DLG2: variants seen among roughly 807,000 people sequenced by gnomAD.
DLG2 encodes the protein disks large homolog 2.
In DLG2, 45 loss-of-function variants were observed where a neutral mutation model predicts 132.5. That is an observed-to-expected ratio of 0.34 (90% CI 0.27 to 0.44). DLG2 has a LOEUF of 0.44. DLG2 is among the 20% of genes least tolerant of loss of function. DLG2 has a pLI of 1.00. For missense variants in DLG2, 1,045 were observed against 1,196.9 expected, an observed-to-expected ratio of 0.87 and a Z score of 1.87; for synonymous variants, 424 against 419.6, an observed-to-expected ratio of 1.01 and a Z score of -0.13.
At chr11:85,050,927 G>A (rs143098535) in intron 6 of DLG2, among the ~76,000 whole-genome samples, 16 of 151,856 alleles carry the variant, frequency 1.1e-4, no homozygotes, top group South Asian at 4.2e-4. Flanking sequence ...TCCCTTTTTC[G>A]TCTAGCTGGG....
chr11:84,377,606 A>G (rs538628503), intron 7 of DLG2, among the ~76,000 whole-genome samples: 2 of 152,200 alleles, frequency 1.3e-5, no homozygotes, highest in South Asian at 4.1e-4. Context: ...AAAAAGAAAG[A>G]AGAAGAACAA....
intron 4 of DLG2, among the ~76,000 whole-genome samples, chr11:85,246,030 C>CCTTAACT (rs1218181816): frequency 1.3e-5 from 2 of 151,998 alleles, no homozygotes; most frequent in East Asian, 3.9e-4. Flanking sequence ...TCCTGATCAC[C>CCTTAACT]CTTAACTCCA....
chr11:84,487,202 A>T (rs557112529), intron 7 of DLG2, among the ~76,000 whole-genome samples: 45 of 152,290 alleles, frequency 3.0e-4, no homozygotes, highest in African/African-American at 1.1e-3. Flanking sequence ...TCTGAAAGTT[A>T]TAATTTGTTT....
chr11:84,181,242 C>T (rs2096118740), intron 8 of DLG2, among the ~76,000 whole-genome samples: 1 of 151,806 alleles, frequency 6.6e-6, no homozygotes, highest in African/African-American at 2.4e-5. Context: ...TTATAAGACA[C>T]TTGTACTATT....
intron 6 of DLG2, among the ~76,000 whole-genome samples, chr11:85,038,123 T>C (rs2154147836): frequency 6.6e-6 from 1 of 152,236 alleles, no homozygotes; most frequent in East Asian, 1.9e-4. Context: ...ACATGAATGG[T>C]TCATGGGGTA....
At chr11:85,163,082 C>T (rs1253632434) in intron 4 of DLG2, among the ~76,000 whole-genome samples, 2 of 152,140 alleles carry the variant, frequency 1.3e-5, no homozygotes, top group Non-Finnish European at 2.9e-5. Flanking sequence ...AAGCTTCCTA[C>T]CCTCAGACAT....
chr11:83,890,769 G>C (rs2069560791), intron 15 of DLG2, among the ~76,000 whole-genome samples: 1 of 152,122 alleles, frequency 6.6e-6, no homozygotes, highest in Non-Finnish European at 1.5e-5. Context: ...AGAGTGACGT[G>C]GGTATAGGTG....
At position 85,077,516 on chromosome 11, in the gene DLG2, G is replaced by GA. The variant is rs368034879; in HGVS notation, c.357+34144dup. ...TCTTCCAACTTATTTGCTGGAACTT[G>GA]AAAAAAACAGATATAAAGTTAAAAG... On this transcript the variant is annotated intron_variant, in intron 6 of 27. Transcript: ENST00000376104. Among the ~76,000 whole-genome samples the GA allele has an allele frequency of 9.3e-4, 141 of 151,786 alleles. 2 individuals carry two copies. In the Middle Eastern group the frequency reaches 0.014, roughly 15 times the overall value.
chr11:84,768,274 T>C (rs569058437), intron 6 of DLG2, among the ~76,000 whole-genome samples: 74 of 152,304 alleles, frequency 4.9e-4, no homozygotes, highest in African/African-American at 1.7e-3. Context: ...TTCTATAGCT[T>C]ATGACTTGTT....
chr11:85,288,622 G>A (rs1314103169), intron 3 of DLG2, among the ~76,000 whole-genome samples: 1 of 151,802 alleles, frequency 6.6e-6, no homozygotes, highest in East Asian at 1.9e-4. Context: ...TCATGCCACT[G>A]CACTCCAGTC....
intron 16 of DLG2, among the ~76,000 whole-genome samples, chr11:83,835,760 T>C (rs1290344412): frequency 6.6e-6 from 1 of 152,192 alleles, no homozygotes; most frequent in Non-Finnish European, 1.5e-5. Flanking sequence ...GAAGTCAAGG[T>C]GTCAGCCAGG....
chr11:85,206,012 G>A (rs2081862793), intron 4 of DLG2, among the ~76,000 whole-genome samples: 1 of 152,148 alleles, frequency 6.6e-6, no homozygotes, highest in Admixed American at 6.5e-5. Flanking sequence ...CCCCAGTGTT[G>A]GAGGTGGGGA....
At chr11:84,159,612 C>G (rs2154259350) in intron 9 of DLG2, among the ~76,000 whole-genome samples, 1 of 152,204 alleles carries the variant, frequency 6.6e-6, no homozygotes, top group South Asian at 2.1e-4. Context: ...TGTCACATTA[C>G]AGAAGGCCTT....
intron 21 of DLG2, among the ~76,000 whole-genome samples, chr11:83,527,549 A>AT (rs140572835): frequency 0.2 from 29,530 of 150,698 alleles, 3,099 homozygotes; most frequent in African/African-American, 0.22. Context: ...TGTCTCTACA[A>AT]TTTTTTTTTT....
At chr11:84,358,874 A>G (rs368015328) in intron 7 of DLG2, among the ~76,000 whole-genome samples, 92 of 152,120 alleles carry the variant, frequency 6.0e-4, no homozygotes, top group African/African-American at 2.2e-3. Flanking sequence ...ATTGAGGGAC[A>G]TATGAATTAA....
chr11:84,728,744 A>G (rs2062801217), intron 6 of DLG2, among the ~76,000 whole-genome samples: 1 of 152,150 alleles, frequency 6.6e-6, no homozygotes, highest in Non-Finnish European at 1.5e-5. Flanking sequence ...TTGTTAGGCT[A>G]TTAAGTACTG....
intron 6 of DLG2, among the ~76,000 whole-genome samples, chr11:84,929,901 T>A (rs1267976824): frequency 6.6e-6 from 1 of 152,068 alleles, no homozygotes; most frequent in Non-Finnish European, 1.5e-5. Context: ...TTGCAAAGAT[T>A]TTTTTAAATT....
intron 7 of DLG2, among the ~76,000 whole-genome samples, chr11:84,441,104 G>A (rs1657928204): frequency 6.6e-6 from 1 of 151,284 alleles, no homozygotes; most frequent in Non-Finnish European, 1.5e-5. Flanking sequence ...ATATTTGATA[G>A]TCCTTTGGCT....
intron 7 of DLG2, among the ~76,000 whole-genome samples, chr11:84,318,895 A>G (rs1328788379): frequency 6.6e-6 from 1 of 152,178 alleles, no homozygotes; most frequent in East Asian, 1.9e-4. Flanking sequence ...TGACGGATGA[A>G]TGGATGGTTG....
Sources: gnomAD v4.1 joint callset for allele counts (sites outside exome capture counted in the v4.1 genomes callset) on GRCh38, gnomAD v4.1.1 for gene constraint, MANE v1.5 for transcripts, NCBI Gene and HGNC (gene_info 2026-07-23, HGNC 2026-07-21) for gene names.